Variants in ARVCF observed in about 807,000 individuals in gnomAD.
The protein encoded by ARVCF is ARVCF delta catenin family member.
A neutral mutation model predicts 90.9 loss-of-function variants in ARVCF; 66 were observed. That is an observed-to-expected ratio of 0.73 (90% confidence interval 0.60 to 0.89). ARVCF has a LOEUF of 0.89. Among genes scored for constraint, ARVCF ranks in the 40% least tolerant of loss-of-function variants. The pLI, the probability that ARVCF is intolerant of heterozygous loss-of-function variation, is 0.00. For synonymous variants in ARVCF, 653 were observed against 603.4 expected, an observed-to-expected ratio of 1.08 and a Z score of -1.21; for missense variants, 1,469 against 1,382.3, an observed-to-expected ratio of 1.06 and a Z score of -1.00.
rs1430831172 is a variant in ARVCF, at chr22:19,970,051, C to T, written c.*705G>A. ...CTGAAAGCAGTCCCCCAGCCACTGC[C>T]GAAGGTCAGTCCCGGAGGTGCTGCC... On this transcript the variant is annotated 3_prime_UTR_variant, in exon 20 of 20. Transcript: ENST00000263207. 5.1e-6 allele frequency: 5 copies of T among 985,486 alleles called. No individual in the cohort carries two copies. The highest frequency in any genetic ancestry group is 4.8e-6 in the Non-Finnish European group (4 of 829,956). 61.0% of individuals were successfully genotyped at this position (985,486 alleles called of 1,614,324 possible). A position where few individuals can be genotyped will look rare whatever the true frequency, so the allele number is the denominator to read the frequency against.
intron 17 of ARVCF, 138 bp downstream of exon 17, chr22:19,972,220 C>A: frequency 8.4e-7 from 1 of 1,191,834 alleles, no homozygotes; most frequent in Admixed American, 2.0e-5. Context: ...CTGCCCTGTA[C>A]CTCACCCTCT....
chr22:19,981,763 G>A (rs748774032), intron 4 of ARVCF, 26 bp from the exon 5 acceptor site: 48 of 1,552,412 alleles, frequency 3.1e-5, no homozygotes, highest in African/African-American at 2.6e-4. Context: ...GCAGGTAGGT[G>A]GGGTAGCACG....
chr22:19,971,370 G>A (rs1473009760), intron 18 of ARVCF, 35 bp from the exon 19 acceptor site: 2 of 1,538,754 alleles, frequency 1.3e-6, no homozygotes, highest in South Asian at 1.2e-5. Context: ...AGGCACAATA[G>A]AGCAGGTTAG....
chr22:19,969,338 C>G (rs1372450071), downstream of ARVCF: 2 of 153,746 alleles, frequency 1.3e-5, no homozygotes, highest in Non-Finnish European at 2.9e-5. Context: ...GACCCCGCAG[C>G]AGCACCAGCC....
At chr22:19,980,637 G>C (rs1943440158) in intron 5 of ARVCF, 1 of 214,422 alleles carries the variant, frequency 4.7e-6, no homozygotes, top group African/African-American at 2.3e-5. Flanking sequence ...ATCTCTGGCT[G>C]TGCCAGGATG....
chr22:19,967,065 T>C, downstream of ARVCF: 1 of 1,220,456 alleles, frequency 8.2e-7, no homozygotes, highest in Non-Finnish European at 1.1e-6. Context: ...CTTTCCCCTC[T>C]TGACCAGTTT....
chr22:19,981,431 A>T lies in ARVCF; in HGVS notation c.676T>A (p.Cys226Ser). ...TCCCGGTGGCCAGGCAGTGTGAAGC[A>T]GCCATCACCAGGGCCTGGGCCAAGG... Reference protein sequence around the residue: ...GPLGPGPGDGCFTLPGHREAF... With the variant: ...GPLGPGPGDGSFTLPGHREAF... Residue 226 changes from cysteine (C) to serine (S), a missense_variant, in exon 5 of 20, where the codon TGC (cysteine) becomes AGC (serine). Cys to Ser is a moderately radical substitution (Grantham distance 112). Transcript: ENST00000263207. 6.4e-7 allele frequency: 1 copy of T among 1,568,068 alleles called. No individual in the cohort carries two copies. The highest frequency in any genetic ancestry group is 8.6e-7 in the Non-Finnish European group (1 of 1,158,954).
rs889288010 is a variant in ARVCF at position 19,970,673 on chromosome 22, C to T, written c.*83G>A. 11 of 1,287,858 alleles carry T rather than the reference C, an allele frequency of 8.5e-6. No homozygotes were observed. Among genetic ancestry groups the T allele is most frequent in the Admixed American group, 2.3e-5 (1 of 43,314 alleles). The allele number at this position is 1,287,858 out of a possible 1,614,324, so 79.8% of individuals were successfully genotyped here. On this transcript the variant is annotated 3_prime_UTR_variant, in exon 20 of 20. Coordinates refer to ENST00000263207, the MANE Select transcript of ARVCF (RefSeq NM_001670.3). ...TGCCGCCAGGGGGCTCCAAGCTCCA[C>T]GGCACGATCTGCTCAGGGTGGCCCT...
chr22:20,008,607 T>A (rs1420851529), intron 2 of ARVCF, among the ~76,000 whole-genome samples: 1 of 151,912 alleles, frequency 6.6e-6, no homozygotes, highest in Non-Finnish European at 1.5e-5. Flanking sequence ...CACATGGGTG[T>A]TTACATCAGC....
At chr22:19,993,779 A>G (rs1394813544) in intron 2 of ARVCF, among the ~76,000 whole-genome samples, 1 of 152,254 alleles carries the variant, frequency 6.6e-6, no homozygotes, top group East Asian at 1.9e-4. Context: ...CCATGTTCCA[A>G]CCAGAAAACA....
Position 19,979,856 on chromosome 22 carries a change from G to A in ARVCF, c.1283C>T (p.Ser428Phe). 6.2e-7 allele frequency: 1 copy of A among 1,609,060 alleles called. No homozygotes were observed. The change falls in exon 6 of 20, where the codon TCC (serine) becomes TTC (phenylalanine). Residue 428 changes from serine (S) to phenylalanine (F), a missense_variant. Transcript: ENST00000263207. ...RRACGALRNL[S>F]YGRDTDNKAA... Reference sequence around the variant, plus strand: ...CTTGTTGTCAGTGTCGCGGCCATAGGAGAGGTTGCGCAGTGCCCCACAGGC... The same window carrying A: ...CTTGTTGTCAGTGTCGCGGCCATAGAAGAGGTTGCGCAGTGCCCCACAGGC...
chr22:20,016,014 G>A lies in ARVCF; in HGVS notation c.-73+575C>T, dbSNP rs1299935409. Among the ~76,000 whole-genome samples, 7 of 152,220 alleles carry A rather than the reference G, an allele frequency of 4.6e-5. No homozygotes were observed. In the East Asian group the frequency reaches 9.6e-4, roughly 21 times the overall value. ...GACATGTCTCCGCACCGGCACCGAG[G>A]GGGCGCAGGGCGGCGTGGGGAGGGG... On this transcript the variant is annotated intron_variant, in intron 1 of 19. Coordinates refer to ENST00000263207, the MANE Select transcript of ARVCF (RefSeq NM_001670.3).
chr22:19,970,830 C>A, intron 19 of ARVCF, 87 bp from the exon 20 acceptor site: 1 of 1,282,348 alleles, frequency 7.8e-7, no homozygotes, highest in South Asian at 1.2e-5. Flanking sequence ...GCCAACTCCA[C>A]AGGCTACATG....
chr22:19,979,129 C>G, intron 6 of ARVCF, 49 bp from the exon 7 acceptor site: 1 of 1,576,380 alleles, frequency 6.3e-7, no homozygotes, highest in Non-Finnish European at 8.7e-7. Context: ...CACCGCCTGC[C>G]TACCTCCCCA....
chr22:19,969,088 A>C (rs1942598324), downstream of ARVCF: 2 of 242,088 alleles, frequency 8.3e-6, no homozygotes, highest in Non-Finnish European at 1.7e-5. Flanking sequence ...CTTGGGCACC[A>C]AACATTCAAA....
chr22:19,981,002 G>A (rs1360286866), intron 5 of ARVCF: 2 of 593,906 alleles, frequency 3.4e-6, no homozygotes, highest in Admixed American at 7.3e-5. Context: ...AGCTTTCCTG[G>A]GCCCTGGGCC....
intron 3 of ARVCF, among the ~76,000 whole-genome samples, chr22:19,982,531 T>A (rs931622812): frequency 2.6e-5 from 4 of 152,130 alleles, no homozygotes; most frequent in African/African-American, 9.7e-5. Flanking sequence ...AGCTGGGACA[T>A]CATGGTGTCC....
At position 19,979,910 on chromosome 22, in the gene ARVCF, T is replaced by C; in HGVS notation, c.1229A>G (p.Asp410Gly). Residue 410 changes from aspartate (D) to glycine (G), a missense_variant, in exon 6 of 20, where the codon GAC (aspartate) becomes GGC (glycine). Coordinates refer to ENST00000263207, the MANE Select transcript of ARVCF (RefSeq NM_001670.3). ...GCGCCGCACCTCAGCCCGCGGGTGG[T>C]CCAGCAGTGCCACAAGCAGCGGCAG... ...RGLPLLVALL[D>G]HPRAEVRRRA... 6.3e-7 allele frequency: 1 copy of C among 1,599,718 alleles called. No individual in the cohort carries two copies. Among genetic ancestry groups the C allele is most frequent in the Non-Finnish European group, 8.5e-7 (1 of 1,174,018 alleles).
rs573665903 is a variant in ARVCF at position 19,971,766 on chromosome 22, C to A, written c.2781+120G>T. The A allele has an allele frequency of 3.6e-6, 4 of 1,105,112 alleles. No individual in the cohort carries two copies. The African/African-American group carries it at 6.1e-5, about 17-fold the overall frequency. 68.5% of individuals were successfully genotyped at this position (1,105,112 alleles called of 1,614,324 possible). A position where few individuals can be genotyped will look rare whatever the true frequency, so the allele number is the denominator to read the frequency against. On this transcript the variant is annotated intron_variant, in intron 18 of 19. Transcript: ENST00000263207. The stretch of plus-strand genomic sequence containing the variant: ...GAAGGGGCTGCTTCCTGGGCTTGGC[C>A]CCACAACCCAGCTGTACCCCAGGGC...
Sources: allele counts gnomAD v4.1 joint callset (sites outside exome capture counted in the v4.1 genomes callset), GRCh38; gene constraint gnomAD v4.1.1; transcripts MANE v1.5; gene names NCBI Gene and HGNC (gene_info 2026-07-23, HGNC 2026-07-21).